The following KLHL3 variants were observed in gnomAD, a reference collection of about 807,000 sequenced individuals.
KLHL3 encodes the protein kelch-like protein 3.
A neutral mutation model predicts 70.5 loss-of-function variants in KLHL3; 19 were observed. The observed-to-expected ratio is 0.27, with a 90% CI of 0.19 to 0.40. The LOEUF is 0.40. Among genes scored for constraint, KLHL3 ranks in the 10% least tolerant of loss-of-function variants. The probability of loss-of-function intolerance (pLI) is 1.00; values close to 1 mark genes in which losing one functional copy is unlikely to be tolerated. For synonymous variants in KLHL3, 258 were observed against 290.3 expected, an observed-to-expected ratio of 0.89 and a Z score of 1.13; for missense variants, 512 against 771.1, an observed-to-expected ratio of 0.66 and a Z score of 3.98.
At chr5:137,624,844 G>T (rs1750415535) in intron 14 of KLHL3, among the ~76,000 whole-genome samples, 1 of 152,100 alleles carries the variant, frequency 6.6e-6, no homozygotes, top group Non-Finnish European at 1.5e-5. Flanking sequence ...AACCTTAGTA[G>T]TACCAACTCT....
At chr5:137,668,382 G>A (rs897813349) in intron 6 of KLHL3, among the ~76,000 whole-genome samples, 21 of 152,188 alleles carry the variant, frequency 1.4e-4, no homozygotes, top group African/African-American at 4.8e-4. Context: ...CTGCACTCCA[G>A]CCTGGTGACA....
Position 137,622,070 on chromosome 5 carries a change from C to T in KLHL3, c.*28G>A, listed in dbSNP as rs1271037535. On this transcript the variant is annotated 3_prime_UTR_variant, in exon 15 of 15. Coordinates refer to ENST00000309755, the MANE Select transcript of KLHL3 (RefSeq NM_017415.3). ...AGTCACAGGCAGCACCTGCTCCTTC[C>T]TCCACCTCCTGGCAGTAGGAGTTTG... 12 of 1,613,602 alleles carry T rather than the reference C, an allele frequency of 7.4e-6. No individual in the cohort carries two copies. Among genetic ancestry groups the T allele is most frequent in the Non-Finnish European group, 1.0e-5 (12 of 1,179,484 alleles).
intron 3 of KLHL3, among the ~76,000 whole-genome samples, chr5:137,709,473 C>A (rs1346569040): frequency 6.6e-6 from 1 of 152,200 alleles, no homozygotes; most frequent in Admixed American, 6.5e-5. Context: ...ACAAGCTCCC[C>A]CACATGATTA....
At chr5:137,632,837 C>T (rs1750670941) in intron 12 of KLHL3, among the ~76,000 whole-genome samples, 1 of 152,102 alleles carries the variant, frequency 6.6e-6, no homozygotes, top group Non-Finnish European at 1.5e-5. Context: ...CATTAAAAAG[C>T]AGGCAAAGGA....
At chr5:137,648,887 T>C (rs1417496963) in intron 8 of KLHL3, among the ~76,000 whole-genome samples, 1 of 152,246 alleles carries the variant, frequency 6.6e-6, no homozygotes, top group East Asian at 1.9e-4. Flanking sequence ...GGAATTCCTA[T>C]GCCTGCTTCT....
intron 6 of KLHL3, among the ~76,000 whole-genome samples, chr5:137,668,895 A>G (rs1751681084): frequency 6.6e-6 from 1 of 152,232 alleles, no homozygotes; most frequent in Non-Finnish European, 1.5e-5. Flanking sequence ...TTAGCGAGCC[A>G]GTTGTTAAAC....
chr5:137,717,564 T>C (rs1195639911), intron 2 of KLHL3, among the ~76,000 whole-genome samples: 1 of 152,198 alleles, frequency 6.6e-6, no homozygotes, highest in Non-Finnish European at 1.5e-5. Flanking sequence ...AATATTTTGC[T>C]AAAATGATTT....
chr5:137,643,959 A>T (rs954816736), intron 8 of KLHL3, among the ~76,000 whole-genome samples: 2 of 152,018 alleles, frequency 1.3e-5, no homozygotes, highest in South Asian at 4.2e-4. Flanking sequence ...TTTAGATTTC[A>T]TATATAAGTG....
At chr5:137,696,215 C>T (rs1414194195) in intron 4 of KLHL3, among the ~76,000 whole-genome samples, 1 of 152,238 alleles carries the variant, frequency 6.6e-6, no homozygotes, top group Non-Finnish European at 1.5e-5. Context: ...CAGGGCCATG[C>T]ACAGAGGGAG....
intron 4 of KLHL3, among the ~76,000 whole-genome samples, chr5:137,694,137 T>C (rs1223395192): frequency 6.6e-6 from 1 of 151,564 alleles, no homozygotes; most frequent in Non-Finnish European, 1.5e-5. Flanking sequence ...CCACTATCAG[T>C]GCTCGAACTC....
At chr5:137,680,803 CA>C (rs1162814557) in intron 5 of KLHL3, among the ~76,000 whole-genome samples, 2 of 152,260 alleles carry the variant, frequency 1.3e-5, no homozygotes, top group South Asian at 2.1e-4. Context: ...CTCAGTCTCC[CA>C]AAATGCTGGG....
intron 1 of KLHL3, among the ~76,000 whole-genome samples, chr5:137,732,399 T>A (rs1753193065): frequency 2.0e-5 from 3 of 151,332 alleles, no homozygotes; most frequent in Admixed American, 2.0e-4. Flanking sequence ...CTTAAGAGAT[T>A]TTGGCCTGAA....
intron 8 of KLHL3, among the ~76,000 whole-genome samples, chr5:137,642,775 G>C (rs1750946688): frequency 6.6e-6 from 1 of 151,940 alleles, no homozygotes; most frequent in African/African-American, 2.4e-5. Context: ...AAAATAAAAA[G>C]AGAAAGTGAG....
At chr5:137,710,002 G>C (rs545448484) in intron 2 of KLHL3, 146 bp from the exon 3 acceptor site, 4 of 668,782 alleles carry the variant, frequency 6.0e-6, no homozygotes, top group Non-Finnish European at 1.1e-5. Flanking sequence ...GAGTTAGGGA[G>C]GGGGGTGGAT....
intron 13 of KLHL3, among the ~76,000 whole-genome samples, chr5:137,627,002 A>AT (rs1247159539): frequency 6.6e-6 from 1 of 151,996 alleles, no homozygotes; most frequent in Non-Finnish European, 1.5e-5. Flanking sequence ...GTCTCAAAAA[A>AT]AAAAAAATCC....
intron 8 of KLHL3, among the ~76,000 whole-genome samples, chr5:137,647,153 G>T (rs912627911): frequency 6.6e-6 from 1 of 152,206 alleles, no homozygotes; most frequent in Admixed American, 6.5e-5. Context: ...AGGAAGATTA[G>T]TGAGCCCAAG....
Position 137,620,273 on chromosome 5 carries a change from T to C in KLHL3, c.*1825A>G, listed in dbSNP as rs1580709399. 1.3e-5 allele frequency: 2 copies of C among 152,334 alleles called. No homozygotes were observed. Among genetic ancestry groups the C allele is most frequent in the South Asian group, 2.1e-4 (1 of 4,822 alleles). The allele number at this position is 152,334 out of a possible 1,614,324, so 9.4% of individuals were successfully genotyped here. On this transcript the variant is annotated 3_prime_UTR_variant, in exon 15 of 15. Coordinates refer to ENST00000309755, the MANE Select transcript of KLHL3 (RefSeq NM_017415.3). ...CCAAGCATCTTGTTGAAGTAACATG[T>C]GCTTAACATCAGAAAGAGAAGTTTT...
intron 14 of KLHL3, 22 bp from the exon 15 acceptor site, chr5:137,622,148 G>A (rs769024167): frequency 5.0e-6 from 8 of 1,613,898 alleles, no homozygotes; most frequent in African/African-American, 2.7e-5. Context: ...GGGGGAGAAA[G>A]TTATCATCTT....
At chr5:137,627,569 T>C (rs1580714706) in intron 13 of KLHL3, among the ~76,000 whole-genome samples, 1 of 146,854 alleles carries the variant, frequency 6.8e-6, no homozygotes. Flanking sequence ...TGCCTGAAAG[T>C]CACCTGTGTG....
Sources: allele counts gnomAD v4.1 joint callset (sites outside exome capture counted in the v4.1 genomes callset), GRCh38; gene constraint gnomAD v4.1.1; transcripts MANE v1.5; gene names NCBI Gene and HGNC (gene_info 2026-07-23, HGNC 2026-07-21).